GDI2: variants seen among roughly 807,000 people sequenced by gnomAD.
GDI2 encodes the protein rab GDP dissociation inhibitor beta.
In GDI2, 22 loss-of-function variants were observed where a neutral mutation model predicts 54.2. The observed-to-expected ratio is 0.41, with a 90% CI of 0.29 to 0.58. The LOEUF (loss-of-function observed/expected upper bound fraction) is 0.58, where lower values mean the gene tolerates loss of function less well. Ranked by LOEUF, GDI2 falls within the 20% of genes least tolerant of loss-of-function variation. GDI2 has a pLI of 0.35. For synonymous variants in GDI2, 177 were observed against 182.1 expected (o/e 0.97, Z 0.23); for missense variants, 422 against 546.0 (o/e 0.77, Z 2.26).
At chr10:5,786,473 A>G (rs1256308705) in intron 4 of GDI2, among the ~76,000 whole-genome samples, 2 of 152,120 alleles carry the variant, frequency 1.3e-5, no homozygotes, top group African/African-American at 4.8e-5. Context: ...AAAATGCAGG[A>G]TGCAATTTAA....
intron 1 of GDI2, among the ~76,000 whole-genome samples, chr10:5,809,164 G>A (rs921067409): frequency 1.3e-5 from 2 of 150,186 alleles, no homozygotes; most frequent in African/African-American, 4.9e-5. Flanking sequence ...AGAACTGCTT[G>A]AACCTGGGAA....
chr10:5,766,744 A>C lies in GDI2; in HGVS notation c.992-106T>G. On this transcript the variant is annotated intron_variant, in intron 8 of 10. Coordinates refer to ENST00000380191, the MANE Select transcript of GDI2 (RefSeq NM_001494.4). The surrounding 1 kb of genome is among the most constrained non-coding windows in gnomAD (Gnocchi z 5.8). The stretch of plus-strand genomic sequence containing the variant: ...TGAGGTGTGAGTTAAAATTACTCTC[A>C]ATAGGCAAGATCTTCTACACTTAAG... 7.6e-6 allele frequency: 6 copies of C among 790,086 alleles called. No individual in the cohort carries two copies. The highest frequency in any genetic ancestry group is 1.3e-5 in the Non-Finnish European group (6 of 471,756). 48.9% of individuals were successfully genotyped at this position (790,086 alleles called of 1,614,324 possible). A position where few individuals can be genotyped will look rare whatever the true frequency, so the allele number is the denominator to read the frequency against.
intron 2 of GDI2, among the ~76,000 whole-genome samples, chr10:5,799,791 T>C (rs1564397891): frequency 6.6e-6 from 1 of 152,264 alleles, no homozygotes; most frequent in Non-Finnish European, 1.5e-5. Context: ...GAGAATGTTA[T>C]TCTTAGCAGA....
At chr10:5,794,399 T>C (rs989805873) in intron 4 of GDI2, among the ~76,000 whole-genome samples, 1 of 151,468 alleles carries the variant, frequency 6.6e-6, no homozygotes, top group Non-Finnish European at 1.5e-5. Context: ...GGAGCCACAC[T>C]ACCAGCATTT....
chr10:5,779,750 G>A (rs776073357), intron 6 of GDI2, among the ~76,000 whole-genome samples: 23 of 150,208 alleles, frequency 1.5e-4, no homozygotes, highest in Non-Finnish European at 3.0e-4. Context: ...CTGAAATGCA[G>A]TGGTATGATC....
At chr10:5,797,559 A>AG (rs1210822542) in intron 2 of GDI2, among the ~76,000 whole-genome samples, 3 of 150,914 alleles carry the variant, frequency 2.0e-5, no homozygotes, top group African/African-American at 7.3e-5. Flanking sequence ...AAAAAAAAAA[A>AG]AAAAAAAAAT....
At chr10:5,794,374 A>AAGCACCAGGGCTCTGGAGCCACACTACC (rs1841101168) in intron 4 of GDI2, among the ~76,000 whole-genome samples, 1 of 151,384 alleles carries the variant, frequency 6.6e-6, no homozygotes. Flanking sequence ...TAACATGATT[A>AAGCACCAGGGCTCTGGAGCCACACTACC]AGCACCAGGG....
chr10:5,782,884 G>C (rs532148860), intron 6 of GDI2, among the ~76,000 whole-genome samples: 58 of 152,308 alleles, frequency 3.8e-4, no homozygotes, highest in African/African-American at 1.3e-3. Context: ...AGTGAGCTGA[G>C]ACTGCACCAC....
chr10:5,776,633 A>G lies in GDI2; in HGVS notation c.720-2692T>C, dbSNP rs1840627714. 6.0e-6 allele frequency: 9 copies of G among 1,490,424 alleles called. No individual in the cohort carries two copies. Among genetic ancestry groups the G allele is most frequent in the South Asian group, 3.4e-5 (3 of 87,894 alleles). The allele number at this position is 1,490,424 out of a possible 1,614,324, so 92.3% of individuals were successfully genotyped here. ...AAAGGGCAGACTTCTAAATGGTCCA[A>G]TAGAAAAGGAGCTGGATGTAGATGC... On this transcript the variant is annotated intron_variant, in intron 6 of 10. Coordinates refer to ENST00000380191, the MANE Select transcript of GDI2 (RefSeq NM_001494.4). The surrounding 1 kb of genome is among the most constrained non-coding windows in gnomAD (Gnocchi z 5.3).
At chr10:5,786,156 C>G (rs72772373) in intron 4 of GDI2, 106 bp from the exon 5 acceptor site, 7 of 598,656 alleles carry the variant, frequency 1.2e-5, no homozygotes, top group Non-Finnish European at 2.0e-5. Flanking sequence ...CTGCGGAATG[C>G]AGGATGCAAT....
intron 1 of GDI2, among the ~76,000 whole-genome samples, chr10:5,802,092 T>C (rs985751936): frequency 2.6e-5 from 4 of 152,176 alleles, no homozygotes; most frequent in Non-Finnish European, 5.9e-5. Flanking sequence ...ATGGGAAGAA[T>C]ACAGACAGCA....
Position 5,785,843 on chromosome 10 carries a change from A to G in GDI2, c.587+9T>C. 1 of 1,516,660 alleles carries G rather than the reference A, an allele frequency of 6.6e-7. No homozygotes were observed. 94.0% of individuals were successfully genotyped at this position (1,516,660 alleles called of 1,614,324 possible). Reference sequence around the variant, plus strand: ...AGAAAAATACAAATCTAAAAACCAAAATACTTACTCATCAGTTCTGTAAAG... The same window carrying G: ...AGAAAAATACAAATCTAAAAACCAAGATACTTACTCATCAGTTCTGTAAAG... On this transcript the variant is annotated intron_variant, in intron 5 of 10. Transcript: ENST00000380191.
In GDI2 at chr10:5,789,755, T is replaced by C. The variant is rs146486825; in HGVS notation, c.389-3705A>G. ...AAAGTTAAAATTTAATCACAAAACT[T>C]AGGCACACAAACACAGACCATACAC... On this transcript the variant is annotated intron_variant, in intron 4 of 10. Coordinates refer to ENST00000380191, the MANE Select transcript of GDI2 (RefSeq NM_001494.4). 1.1e-3 allele frequency among the ~76,000 whole-genome samples: 163 copies of C among 152,324 alleles called. 3 individuals are homozygous for C. The East Asian group carries it at 0.022, about 21-fold the overall frequency.
At chr10:5,769,746 T>TA (rs1255445971) in intron 7 of GDI2, among the ~76,000 whole-genome samples, 1 of 152,172 alleles carries the variant, frequency 6.6e-6, no homozygotes, top group African/African-American at 2.4e-5. Context: ...GTGTCAAGGA[T>TA]ATGGAGAAAC....
rs1228136434 is a variant in GDI2 at position 5,796,880 on chromosome 10, CAT to C, written c.154-20_154-19del. On this transcript the variant is annotated intron_variant, in intron 2 of 10. Coordinates refer to ENST00000380191, the MANE Select transcript of GDI2 (RefSeq NM_001494.4). ...TTGTATAACTAAAAGCAAGGAAAAACATAGCCATAATGTTAACAAAATTTAAT... is the reference window on the plus strand; with the variant it reads ...TTGTATAACTAAAAGCAAGGAAAAACAGCCATAATGTTAACAAAATTTAAT... 2 of 1,208,808 alleles carry C rather than the reference CAT, an allele frequency of 1.7e-6. No individual in the cohort carries two copies. The highest frequency in any genetic ancestry group is 2.5e-6 in the Non-Finnish European group (2 of 814,074). The allele number at this position is 1,208,808 out of a possible 1,614,324, so 74.9% of individuals were successfully genotyped here. A position where few individuals can be genotyped will look rare whatever the true frequency, so the allele number is the denominator to read the frequency against.
rs750649141 is a variant in GDI2, at chr10:5,768,434, A to G, written c.820-50T>C. 1.5e-5 allele frequency: 17 copies of G among 1,153,518 alleles called. No individual in the cohort carries two copies. In the Admixed American group the frequency reaches 2.4e-4, roughly 16 times the overall value. 71.5% of individuals were successfully genotyped at this position (1,153,518 alleles called of 1,614,324 possible). A position where few individuals can be genotyped will look rare whatever the true frequency, so the allele number is the denominator to read the frequency against. On this transcript the variant is annotated intron_variant, in intron 7 of 10. Coordinates refer to ENST00000380191, the MANE Select transcript of GDI2 (RefSeq NM_001494.4). This position sits in a 1 kb window ranked among gnomAD's most constrained non-coding sequence, Gnocchi z 4.4. ...ACTGAAGCGGACAAGGATATAGGGA[A>G]ACACATCCCATGTTCATAGTTTGGA...
intron 6 of GDI2, among the ~76,000 whole-genome samples, chr10:5,783,740 G>C (rs534847342): frequency 6.6e-6 from 1 of 152,274 alleles, no homozygotes; most frequent in South Asian, 2.1e-4. Context: ...ATTACTGGCT[G>C]ATAACTTAAG....
At chr10:5,810,696 A>AT (rs1217652655) in intron 1 of GDI2, among the ~76,000 whole-genome samples, 1 of 152,240 alleles carries the variant, frequency 6.6e-6, no homozygotes, top group Non-Finnish European at 1.5e-5. Context: ...TTGTGACAGC[A>AT]TTTAGAAAGG....
In GDI2 at chr10:5,785,196, C is replaced by T; in HGVS notation, c.665G>A (p.Ser222Asn). The T allele has an allele frequency of 6.2e-7, 1 of 1,610,654 alleles. No homozygotes were observed. The highest frequency in any genetic ancestry group is 8.5e-7 in the Non-Finnish European group (1 of 1,177,108). Residue 222 changes from serine to asparagine, a missense_variant, in exon 6 of 11, where the codon AGC becomes AAC. By Grantham distance (46) the Ser-to-Asn change is conservative. Transcript: ENST00000380191. ...GCCATAGAGTGGATAAAGGTATGGG[C>T]TTTTGCCATATCTTGCCAAAGATTC... is the stretch of plus-strand genomic sequence containing the variant. ...YSESLARYGK[S>N]PYLYPLYGLG... is the part of the protein sequence containing the mutation.
Sources: allele counts gnomAD v4.1 joint callset (sites outside exome capture counted in the v4.1 genomes callset), GRCh38; gene constraint gnomAD v4.1.1; non-coding constraint Gnocchi (gnomAD v3.1); transcripts MANE v1.5; gene names NCBI Gene and HGNC (gene_info 2026-07-23, HGNC 2026-07-21).